Variants in CDH20 observed in about 807,000 individuals in gnomAD.
CDH20 encodes the protein cadherin-20.
A neutral mutation model predicts 74.2 loss-of-function variants in CDH20; 29 were observed. The observed-to-expected ratio is 0.39, with a 90% CI of 0.29 to 0.53. CDH20 has a LOEUF of 0.53. CDH20 is among the 20% of genes least tolerant of loss of function. CDH20 has a pLI of 0.69. For missense variants in CDH20, 988 were observed against 1,048.3 expected (o/e 0.94, Z 0.79); for synonymous variants, 469 against 405.4 (o/e 1.16, Z -1.88).
chr18:61,456,129 T>C lies in CDH20; in HGVS notation c.-152-34273T>C, dbSNP rs367663073. ...CACAGTCTATTGCTAACCTCAATCC[T>C]CTAGCCTATGGTTTGGGTGCCCCCA... On this transcript the variant is annotated intron_variant, in intron 1 of 11. Coordinates refer to ENST00000262717, the MANE Select transcript of CDH20 (RefSeq NM_031891.4). 2.0e-5 allele frequency among the ~76,000 whole-genome samples: 3 copies of C among 152,302 alleles called. No individual in the cohort carries two copies. In the East Asian group the frequency reaches 5.8e-4, roughly 29 times the overall value.
intron 6 of CDH20, among the ~76,000 whole-genome samples, chr18:61,527,458 A>G (rs919394792): frequency 6.6e-6 from 1 of 151,918 alleles, no homozygotes; most frequent in African/African-American, 2.4e-5. Flanking sequence ...TTTGGAATAC[A>G]AACTTGCTCT....
chr18:61,508,004 A>T (rs188682787), intron 6 of CDH20, among the ~76,000 whole-genome samples: 1 of 152,292 alleles, frequency 6.6e-6, no homozygotes, highest in African/African-American at 2.4e-5. Context: ...CTTCTCAAAG[A>T]TCTGTAAATT....
intron 1 of CDH20, among the ~76,000 whole-genome samples, chr18:61,356,796 A>G (rs1258991385): frequency 6.6e-6 from 1 of 152,220 alleles, no homozygotes; most frequent in Non-Finnish European, 1.5e-5. Context: ...ATTTACAATG[A>G]TGAGGATAAT....
intron 6 of CDH20, among the ~76,000 whole-genome samples, chr18:61,519,039 T>G (rs1281119068): frequency 1.3e-5 from 2 of 150,896 alleles, no homozygotes; most frequent in Admixed American, 6.6e-5. Flanking sequence ...AAGATCAACT[T>G]AATGAAAAAA....
Position 61,547,008 on chromosome 18 carries a change from C to A in CDH20, c.1648+1864C>A, listed in dbSNP as rs551676822. 3.9e-4 allele frequency among the ~76,000 whole-genome samples: 59 copies of A among 152,280 alleles called. 1 individual carries two copies. The highest frequency in any genetic ancestry group is 1.2e-3 in the African/African-American group (49 of 41,572). On this transcript the variant is annotated intron_variant, in intron 10 of 11. Coordinates refer to ENST00000262717, the MANE Select transcript of CDH20 (RefSeq NM_031891.4). ...GAGTTCAAGACCAGCCTGGGCAACA[C>A]AGCAAGACCCTATCTCTGAAAAACA...
chr18:61,404,962 C>G, intron 1 of CDH20: 1 of 711,126 alleles, frequency 1.4e-6, no homozygotes. Context: ...CATGCTGCGC[C>G]CAGTTCAATA....
chr18:61,443,848 C>A (rs1177211718), intron 1 of CDH20, among the ~76,000 whole-genome samples: 1 of 151,986 alleles, frequency 6.6e-6, no homozygotes, highest in African/African-American at 2.4e-5. Context: ...CCCAACAGAC[C>A]ATGTTGGGGA....
intron 1 of CDH20, among the ~76,000 whole-genome samples, chr18:61,443,247 A>G (rs1316781603): frequency 6.8e-6 from 1 of 147,568 alleles, no homozygotes; most frequent in Non-Finnish European, 1.5e-5. Context: ...GCATAAATGA[A>G]AAAACTGGGC....
At chr18:61,408,143 T>A (rs943720727) in intron 1 of CDH20, among the ~76,000 whole-genome samples, 2 of 152,102 alleles carry the variant, frequency 1.3e-5, no homozygotes, top group African/African-American at 4.8e-5. Flanking sequence ...TCATTTATGA[T>A]ACTGAGTTAA....
chr18:61,395,436 C>T (rs1253071252), intron 1 of CDH20, among the ~76,000 whole-genome samples: 1 of 152,154 alleles, frequency 6.6e-6, no homozygotes, highest in Non-Finnish European at 1.5e-5. Flanking sequence ...CCTTAATGAC[C>T]GTCTTCTTGG....
chr18:61,352,764 C>T (rs1384905748), intron 1 of CDH20, among the ~76,000 whole-genome samples: 1 of 152,154 alleles, frequency 6.6e-6, no homozygotes, highest in East Asian at 1.9e-4. Context: ...CTTGAAATTT[C>T]AAAATCTAGA....
Position 61,550,109 on chromosome 18 carries a change from G to A in CDH20, c.1780G>A (p.Val594Met). The A allele has an allele frequency of 6.2e-7, 1 of 1,614,248 alleles. No homozygotes were observed. The highest frequency in any genetic ancestry group is 1.3e-5 in the African/African-American group (1 of 75,076). Residue 594 changes from valine to methionine, a missense_variant, in exon 11 of 12, where the codon GTG becomes ATG. By Grantham distance (21) the Val-to-Met change is conservative (BLOSUM62 1). Around this residue, in one of 2 missense-constraint regions of CDH20, gnomAD observed 613 missense variants for 755.2 expected, o/e 0.81. Transcript: ENST00000262717. ...LSSTGTLTIQ[V>M]CSCDDDGHVM... ...CAGCACAGGCACACTGACCATCCAA[G>A]TGTGCAGCTGTGATGACGACGGCCA...
chr18:61,339,485 A>G (rs1050449659), intron 1 of CDH20, among the ~76,000 whole-genome samples: 6 of 151,718 alleles, frequency 4.0e-5, no homozygotes, highest in African/African-American at 1.2e-4. Flanking sequence ...TCAACCACCA[A>G]CTTCCTTCCA....
At chr18:61,539,456 CA>C (rs1171965942) in intron 9 of CDH20, among the ~76,000 whole-genome samples, 4 of 152,008 alleles carry the variant, frequency 2.6e-5, no homozygotes, top group Non-Finnish European at 5.9e-5. Context: ...AGTGAAAAAA[CA>C]AAAAACTATT....
rs141624716 is a variant in CDH20 at position 61,501,452 on chromosome 18, A to T, written c.661+950A>T. ...TTGTAAACTAGCAAAAGATATAGGA[A>T]GTATTATTACTTCCATTTTATATGA... On this transcript the variant is annotated intron_variant, in intron 4 of 11. Coordinates refer to ENST00000262717, the MANE Select transcript of CDH20 (RefSeq NM_031891.4). 4.6e-5 allele frequency among the ~76,000 whole-genome samples: 7 copies of T among 152,282 alleles called. No homozygotes were observed. The East Asian group carries it at 1.2e-3, about 25-fold the overall frequency.
intron 1 of CDH20, among the ~76,000 whole-genome samples, chr18:61,345,422 C>G (rs939516682): frequency 6.6e-6 from 1 of 152,156 alleles, no homozygotes; most frequent in Non-Finnish European, 1.5e-5. Flanking sequence ...GTTTCTTCAC[C>G]TGTCAGTGAC....
chr18:61,477,918 A>G (rs538418138), intron 1 of CDH20, among the ~76,000 whole-genome samples: 20 of 152,138 alleles, frequency 1.3e-4, no homozygotes, highest in African/African-American at 4.8e-4. Flanking sequence ...ATGTTTTTTG[A>G]GGCCAGGCAC....
At chr18:61,528,341 C>CT (rs551169500) in intron 7 of CDH20, 121 bp downstream of exon 7, 2 of 1,016,094 alleles carry the variant, frequency 2.0e-6, no homozygotes, top group East Asian at 4.9e-5. Flanking sequence ...AGACTCTCCT[C>CT]TTTGAGTTTT....
At chr18:61,409,166 G>T (rs1912418452) in intron 1 of CDH20, among the ~76,000 whole-genome samples, 1 of 152,178 alleles carries the variant, frequency 6.6e-6, no homozygotes, top group African/African-American at 2.4e-5. Context: ...TTTTTGAACT[G>T]GTTGCTTAGA....
Sources: allele counts gnomAD v4.1 joint callset (sites outside exome capture counted in the v4.1 genomes callset), GRCh38; gene constraint gnomAD v4.1.1; regional missense constraint gnomAD v4.1.1; transcripts MANE v1.5; gene names NCBI Gene and HGNC (gene_info 2026-07-23, HGNC 2026-07-21).